SLC27A1: variants seen among roughly 807,000 people sequenced by gnomAD.
SLC27A1 encodes the protein solute carrier family 27 member 1.
A neutral mutation model predicts 62.2 loss-of-function variants in SLC27A1; 61 were observed. The ratio of observed to expected loss-of-function variants is 0.98; its 90% CI spans 0.80 to 1.21. The LOEUF (loss-of-function observed/expected upper bound fraction) is 1.21, where lower values mean the gene tolerates loss of function less well. Among genes scored for constraint, SLC27A1 ranks in the 50% most tolerant of loss-of-function variants. The pLI is 0.00. For missense variants in SLC27A1, 903 were observed against 932.1 expected, an observed-to-expected ratio of 0.97 and a Z score of 0.41; for synonymous variants, 435 against 408.6, an observed-to-expected ratio of 1.06 and a Z score of -0.78.
chr19:17,494,631 G>T (rs1014728394), intron 6 of SLC27A1, among the ~76,000 whole-genome samples: 1 of 151,984 alleles, frequency 6.6e-6, no homozygotes, highest in East Asian at 1.9e-4. Context: ...CCGGCCACAG[G>T]TAGCCCTTTT....
intron 1 of SLC27A1, among the ~76,000 whole-genome samples, chr19:17,474,674 A>G (rs1343526118): frequency 1.5e-5 from 2 of 130,646 alleles, no homozygotes; most frequent in African/African-American, 2.9e-5. Context: ...TTTGTCACCC[A>G]GGCTGGAGTG....
chr19:17,489,206 G>T (rs1455838932), intron 6 of SLC27A1, 89 bp downstream of exon 6: 4 of 1,083,482 alleles, frequency 3.7e-6, no homozygotes, highest in East Asian at 5.0e-5. Flanking sequence ...TCCCGGTGAG[G>T]CCCCGTACCT....
Position 17,500,524 on chromosome 19 carries a change from A to G in SLC27A1, c.1363A>G (p.Asn455Asp), listed in dbSNP as rs1333637156. 1.2e-6 allele frequency: 2 copies of G among 1,613,640 alleles called. No individual in the cohort carries two copies. The highest frequency in any genetic ancestry group is 1.7e-6 in the Non-Finnish European group (2 of 1,179,834). Residue 455 changes from asparagine (N) to aspartate (D), a missense_variant, in exon 9 of 12, where the codon AAC becomes GAC. Physicochemically the swap from Asn to Asp is conservative, Grantham distance 23 (BLOSUM62 1). Transcript: ENST00000252595. ...GCCTGGCCTCCTTGTGGGTCAGATC[A>G]ACCAACAGGACCCGCTGCGCCGCTT... The part of the protein sequence containing the change: ...GEPGLLVGQI[N>D]QQDPLRRFDG...
At chr19:17,481,967 C>G (rs2075182671) in intron 1 of SLC27A1, among the ~76,000 whole-genome samples, 3 of 152,178 alleles carry the variant, frequency 2.0e-5, no homozygotes. Flanking sequence ...TTAGATCGGG[C>G]TGGGGCCACG....
At chr19:17,504,045 A>G (rs2075447435) in intron 11 of SLC27A1, among the ~76,000 whole-genome samples, 1 of 151,812 alleles carries the variant, frequency 6.6e-6, no homozygotes, top group African/African-American at 2.4e-5. Context: ...TTGGCGTCCC[A>G]AAGTACTGAG....
In SLC27A1 at chr19:17,486,880, T is replaced by A. The variant is rs1452348674; in HGVS notation, c.485T>A (p.Leu162Gln). 6.3e-7 allele frequency: 1 copy of A among 1,586,062 alleles called. No homozygotes were observed. The highest frequency in any genetic ancestry group is 8.5e-7 in the Non-Finnish European group (1 of 1,173,602). ...GAGGCCGCGCTGCTCAACGTGAACC[T>A]GCGGCGCGAGCCCCTGGCCTTCTGC... ...GMEAALLNVN[L>Q]RREPLAFCLG... Residue 162 changes from leucine (L) to glutamine (Q), a missense_variant, in exon 2 of 12, where the codon CTG becomes CAG. Transcript: ENST00000252595. This position sits in a 1 kb window ranked among gnomAD's most constrained non-coding sequence, Gnocchi z 6.6.
upstream of SLC27A1, chr19:17,470,523 T>A (rs779950642): frequency 6.5e-7 from 1 of 1,532,784 alleles, no homozygotes; most frequent in Admixed American, 1.9e-5. Flanking sequence ...CGGCCTCAGC[T>A]CTCTCTGCTT....
chr19:17,474,587 C>T (rs1390571918), intron 1 of SLC27A1, among the ~76,000 whole-genome samples: 1 of 151,848 alleles, frequency 6.6e-6, no homozygotes, highest in Non-Finnish European at 1.5e-5. Context: ...CTTGTATGGT[C>T]CCCTCCCTTT....
chr19:17,502,407 A>G (rs1190731505), intron 11 of SLC27A1, among the ~76,000 whole-genome samples: 1 of 112,992 alleles, frequency 8.9e-6, no homozygotes, highest in Non-Finnish European at 1.6e-5. Context: ...GCTGGAGTGC[A>G]GTGGCGTGAT....
chr19:17,483,753 A>G (rs1263341483), intron 1 of SLC27A1: 1 of 151,896 alleles, frequency 6.6e-6, no homozygotes. Context: ...GCTTTCCCCT[A>G]ATTCCCCCCA....
At position 17,506,013 on chromosome 19, in the gene SLC27A1, C is replaced by G. The variant is rs898073946; in HGVS notation, c.*1401C>G. On this transcript the variant is annotated 3_prime_UTR_variant, in exon 12 of 12. Coordinates refer to ENST00000252595, the MANE Select transcript of SLC27A1 (RefSeq NM_198580.3). Reference sequence around the variant, plus strand: ...GCCAGCCTTTCTGGGGCCGGCCACCCAGGCCGCCTGTCCGTCTGTCCTCCC... The same window carrying G: ...GCCAGCCTTTCTGGGGCCGGCCACCGAGGCCGCCTGTCCGTCTGTCCTCCC... The G allele has an allele frequency of 6.6e-6, 1 of 152,328 alleles. No individual in the cohort carries two copies. Among genetic ancestry groups the G allele is most frequent in the African/African-American group, 2.4e-5 (1 of 41,450 alleles). 9.4% of individuals were successfully genotyped at this position (152,328 alleles called of 1,614,324 possible).
rs1441462451 is a variant in SLC27A1, at chr19:17,486,894, C to T, written c.499C>T (p.Leu167=). 2.5e-6 allele frequency: 4 copies of T among 1,590,474 alleles called. No homozygotes were observed. In the African/African-American group the frequency reaches 4.0e-5, roughly 16 times the overall value. ...LLNVNLRREP[L]AFCLGTSGAK... ...CAACGTGAACCTGCGGCGCGAGCCC[C>T]TGGCCTTCTGCCTGGGCACCTCGGG... Residue 167 remains leucine, a synonymous_variant, in exon 2 of 12, where the codon CTG becomes TTG. Coordinates refer to ENST00000252595, the MANE Select transcript of SLC27A1 (RefSeq NM_198580.3). This position sits in a 1 kb window ranked among gnomAD's most constrained non-coding sequence, Gnocchi z 6.6.
rs1218174231 is a variant in SLC27A1, at chr19:17,487,156, AT to A, written c.563-17del. The A allele has an allele frequency of 6.2e-7, 1 of 1,613,730 alleles. No homozygotes were observed. Among genetic ancestry groups the A allele is most frequent in the Admixed American group, 1.7e-5 (1 of 59,994 alleles). ...GCCTGTCCGGCGGTGACCATGACCC[AT>A]GTGTTGGGGACCACAGCGGTGGCCG... On this transcript the variant is annotated splice_polypyrimidine_tract_variant and intron_variant, in intron 2 of 11. Transcript: ENST00000252595.
chr19:17,473,658 T>C (rs2075097181), intron 1 of SLC27A1, among the ~76,000 whole-genome samples: 1 of 152,218 alleles, frequency 6.6e-6, no homozygotes, highest in Non-Finnish European at 1.5e-5. Flanking sequence ...GGTCAGGAGT[T>C]TGAGACCAGC....
chr19:17,493,129 A>G (rs1423410327), intron 6 of SLC27A1, among the ~76,000 whole-genome samples: 2 of 149,512 alleles, frequency 1.3e-5, no homozygotes, highest in Non-Finnish European at 3.0e-5. Flanking sequence ...TCTCAAAAAA[A>G]AAAAAAGAAA....
intron 1 of SLC27A1, among the ~76,000 whole-genome samples, chr19:17,485,834 A>AC (rs1555744161): frequency 2.6e-5 from 4 of 152,030 alleles, no homozygotes; most frequent in African/African-American, 9.7e-5. Context: ...CAAAAAAAAA[A>AC]CAAAAAAACA....
Position 17,488,037 on chromosome 19 carries a change from C to T in SLC27A1, c.794+508C>T, listed in dbSNP as rs1293430303. ...TCAGACCTCCCCTGTCCCAGACCTC[C>T]CTGCATCTACCGTGACCCTCAGAAT... On this transcript the variant is annotated intron_variant, in intron 4 of 11. Transcript: ENST00000252595. Among the ~76,000 whole-genome samples the T allele has an allele frequency of 3.9e-5, 6 of 152,264 alleles. No homozygotes were observed. In the East Asian group the frequency reaches 5.8e-4, roughly 15 times the overall value.
In SLC27A1 at chr19:17,496,242, G is replaced by A. The variant is rs966547224; in HGVS notation, c.997-1013G>A. 2.6e-5 allele frequency: 4 copies of A among 152,194 alleles called. No individual in the cohort carries two copies. The East Asian group carries it at 5.8e-4, about 22-fold the overall frequency. 9.4% of individuals were successfully genotyped at this position (152,194 alleles called of 1,614,324 possible). On this transcript the variant is annotated intron_variant, in intron 6 of 11. Transcript: ENST00000252595. ...TCAAATTCTGCCACTTCCCAGCTCT[G>A]TGATCTCGTTCCAGTTCCTTACCAT...
At chr19:17,504,199 G>A (rs552553133) in intron 11 of SLC27A1, among the ~76,000 whole-genome samples, 41 of 152,244 alleles carry the variant, frequency 2.7e-4, no homozygotes, top group South Asian at 2.1e-3. Flanking sequence ...CTGTCATGTG[G>A]GGAATGGACA....
Sources: gnomAD v4.1 joint callset for allele counts (sites outside exome capture counted in the v4.1 genomes callset) on GRCh38, gnomAD v4.1.1 for gene constraint, Gnocchi (gnomAD v3.1) non-coding constraint, MANE v1.5 for transcripts, NCBI Gene and HGNC (gene_info 2026-07-23, HGNC 2026-07-21) for gene names.